SLC43A2: variants seen among roughly 807,000 people sequenced by gnomAD.
SLC43A2 encodes solute carrier family 43 member 2, also known as large neutral amino acids transporter small subunit 4.
SLC43A2 carries 38 observed loss-of-function variants against 63.2 expected under a neutral mutation model. The observed-to-expected ratio is 0.60, with a 90% CI of 0.46 to 0.79. The LOEUF is 0.79. Among genes scored for constraint, SLC43A2 ranks in the 30% least tolerant of loss-of-function variants. The probability of loss-of-function intolerance (pLI) is 0.00; values close to 1 mark genes in which losing one functional copy is unlikely to be tolerated. For synonymous variants in SLC43A2, 322 were observed against 331.0 expected (o/e 0.97, Z 0.30); for missense variants, 644 against 756.2 (o/e 0.85, Z 1.74).
chr17:1,575,365 CG>C lies in SLC43A2; in HGVS notation c.*238del. 3 of 564,082 alleles carry C rather than the reference CG, an allele frequency of 5.3e-6. No individual in the cohort carries two copies. Among genetic ancestry groups the C allele is most frequent in the Non-Finnish European group, 9.3e-6 (3 of 322,614 alleles). 34.9% of individuals were successfully genotyped at this position (564,082 alleles called of 1,614,324 possible). A position where few individuals can be genotyped will look rare whatever the true frequency, so the allele number is the denominator to read the frequency against. ...ACAGAGACCCCAGGCCCCGGGTCCC[CG>C]GGGGGCGGCAGAGCAAAGTCAGGGC... On this transcript the variant is annotated 3_prime_UTR_variant, in exon 14 of 14. Coordinates refer to ENST00000301335, the MANE Select transcript of SLC43A2 (RefSeq NM_152346.3).
At chr17:1,602,037 C>T (rs1332159105) in intron 5 of SLC43A2, among the ~76,000 whole-genome samples, 4 of 152,050 alleles carry the variant, frequency 2.6e-5, no homozygotes, top group Non-Finnish European at 5.9e-5. Flanking sequence ...AGGTCCAAAC[C>T]AATGCAAAGG....
intron 9 of SLC43A2, chr17:1,586,905 G>A (rs1403869846): frequency 2.0e-5 from 31 of 1,529,350 alleles, no homozygotes; most frequent in Non-Finnish European, 2.7e-5. Flanking sequence ...GCTGGGAGGG[G>A]ACATCACAGC....
At chr17:1,579,331 G>C (rs1320195619) in intron 11 of SLC43A2, among the ~76,000 whole-genome samples, 1 of 151,020 alleles carries the variant, frequency 6.6e-6, no homozygotes, top group Admixed American at 6.6e-5. Flanking sequence ...TGTGGTGGCG[G>C]GCGCCTGTAT....
chr17:1,582,723 A>C (rs1437371215), intron 11 of SLC43A2, among the ~76,000 whole-genome samples: 1 of 152,198 alleles, frequency 6.6e-6, no homozygotes, highest in Non-Finnish European at 1.5e-5. Context: ...CTGGCAGGGA[A>C]CAGGCCCTCC....
At chr17:1,614,001 T>A (rs577703485) in intron 4 of SLC43A2, among the ~76,000 whole-genome samples, 1 of 152,062 alleles carries the variant, frequency 6.6e-6, no homozygotes, top group East Asian at 1.9e-4. Flanking sequence ...CCCAGCACTT[T>A]GGGAGGCTGA....
At chr17:1,581,012 C>T (rs577779520) in intron 11 of SLC43A2, among the ~76,000 whole-genome samples, 8 of 152,232 alleles carry the variant, frequency 5.3e-5, no homozygotes, top group South Asian at 2.1e-4. Flanking sequence ...CTGCTGCTGG[C>T]GGACTCCGCC....
Position 1,583,284 on chromosome 17 carries a change from C to T in SLC43A2, c.1270G>A (p.Ala424Thr). The change falls in exon 11 of 14, where the codon GCC becomes ACC. Residue 424 changes from alanine to threonine, a missense_variant. Physicochemically the swap from Ala to Thr is moderately conservative, Grantham distance 58. This residue lies in a region of SLC43A2 where 528 missense variants were observed against 623.6 expected (regional missense o/e 0.85). Transcript: ENST00000301335. This position sits in a 1 kb window ranked among gnomAD's most constrained non-coding sequence, Gnocchi z 5.5. ...RDRQIQKITN[A>T]MRAFAFTNLL... ...TTGGTGAAGGCGAAGGCCCGCATGG[C>T]ATTAGTGATCTTCTGGATCTGCCGG... 2.5e-6 allele frequency: 4 copies of T among 1,614,194 alleles called. No individual in the cohort carries two copies. Among genetic ancestry groups the T allele is most frequent in the South Asian group, 2.2e-5 (2 of 91,086 alleles).
At position 1,578,454 on chromosome 17, in the gene SLC43A2, G is replaced by A. The variant is rs550913063; in HGVS notation, c.1351-131C>T. 1.8e-5 allele frequency: 13 copies of A among 741,892 alleles called. No individual in the cohort carries two copies. The Middle Eastern group carries it at 1.8e-3, about 105-fold the overall frequency. The allele number at this position is 741,892 out of a possible 1,614,324, so 46.0% of individuals were successfully genotyped here. A position where few individuals can be genotyped will look rare whatever the true frequency, so the allele number is the denominator to read the frequency against. On this transcript the variant is annotated intron_variant, in intron 11 of 13. Transcript: ENST00000301335. The surrounding 1 kb of genome is among the most constrained non-coding windows in gnomAD (Gnocchi z 6.5). ...TGGAGTTGGATCAACCCCATCCTCC[G>A]GAGCCAATTGTGAATTTTCAGAAAT...
chr17:1,611,031 G>A (rs9906910), intron 5 of SLC43A2, among the ~76,000 whole-genome samples: 5 of 151,746 alleles, frequency 3.3e-5, no homozygotes, highest in African/African-American at 1.2e-4. Context: ...TAGTAGAGAC[G>A]GGGTTTCACT....
intron 9 of SLC43A2, 120 bp from the exon 10 acceptor site, chr17:1,586,171 CCT>C (rs966176920): frequency 7.3e-5 from 104 of 1,419,024 alleles, no homozygotes; most frequent in Non-Finnish European, 9.3e-5. Context: ...CCCAGAACCC[CCT>C]GTCACTATGG....
chr17:1,610,844 CTT>C (rs1381319545), intron 5 of SLC43A2, among the ~76,000 whole-genome samples: 14 of 142,812 alleles, frequency 9.8e-5, no homozygotes, highest in Non-Finnish European at 1.1e-4. Flanking sequence ...TCTTTTTTTC[CTT>C]TTTTTTTTTT....
At position 1,593,350 on chromosome 17, in the gene SLC43A2, G is replaced by T; in HGVS notation, c.502-71C>A. On this transcript the variant is annotated intron_variant, in intron 5 of 13. Coordinates refer to ENST00000301335, the MANE Select transcript of SLC43A2 (RefSeq NM_152346.3). The surrounding 1 kb of genome is among the most constrained non-coding windows in gnomAD (Gnocchi z 5.3). Reference sequence around the variant, plus strand: ...GGGAAGGGGAGGAGGAGGGGACAGAGAACTAGGCCCCATGAGGCCCCTTCT... The same window carrying T: ...GGGAAGGGGAGGAGGAGGGGACAGATAACTAGGCCCCATGAGGCCCCTTCT... 7.1e-7 allele frequency: 1 copy of T among 1,404,280 alleles called. No individual in the cohort carries two copies. The highest frequency in any genetic ancestry group is 1.0e-6 in the Non-Finnish European group (1 of 1,003,390). The allele number at this position is 1,404,280 out of a possible 1,614,324, so 87.0% of individuals were successfully genotyped here. A position where few individuals can be genotyped will look rare whatever the true frequency, so the allele number is the denominator to read the frequency against.
intron 5 of SLC43A2, chr17:1,603,134 A>C (rs923549784): frequency 6.6e-6 from 1 of 152,154 alleles, no homozygotes; most frequent in African/African-American, 2.4e-5. Flanking sequence ...ACTTCATAAC[A>C]GGGAAAATCT....
intron 1 of SLC43A2, 48 bp from the exon 2 acceptor site, chr17:1,627,968 C>A (rs1299930897): frequency 1.5e-6 from 2 of 1,312,024 alleles, no homozygotes; most frequent in Middle Eastern, 2.9e-4. Flanking sequence ...CCAGCCCCTG[C>A]GGCCGCCCCC....
intron 5 of SLC43A2, among the ~76,000 whole-genome samples, chr17:1,601,454 C>T (rs1319404310): frequency 1.3e-5 from 2 of 152,124 alleles, no homozygotes; most frequent in Non-Finnish European, 2.9e-5. Flanking sequence ...CTGCTTCACA[C>T]AGCCGACAAC....
At chr17:1,615,502 G>A (rs1907513263) in intron 3 of SLC43A2, among the ~76,000 whole-genome samples, 1 of 150,204 alleles carries the variant, frequency 6.7e-6, no homozygotes, top group African/African-American at 2.5e-5. Context: ...CCAGTTGCTT[G>A]GGCAACAACA....
intron 2 of SLC43A2, among the ~76,000 whole-genome samples, chr17:1,621,881 T>C (rs1908193970): frequency 6.6e-6 from 1 of 151,960 alleles, no homozygotes; most frequent in South Asian, 2.1e-4. Flanking sequence ...AGAGAGAAAA[T>C]GCTGAGAGAA....
At chr17:1,588,817 C>G (rs1904468893) in intron 9 of SLC43A2, among the ~76,000 whole-genome samples, 1 of 152,166 alleles carries the variant, frequency 6.6e-6, no homozygotes, top group Non-Finnish European at 1.5e-5. Context: ...TGGGAGGCAG[C>G]AGAGTCACCG....
chr17:1,611,621 C>CA, intron 5 of SLC43A2, among the ~76,000 whole-genome samples: 1 of 137,408 alleles, frequency 7.3e-6, no homozygotes, highest in Non-Finnish European at 1.5e-5. Context: ...GGCAACCGAG[C>CA]AGACTCAAAA....
Sources: allele counts gnomAD v4.1 joint callset (sites outside exome capture counted in the v4.1 genomes callset), GRCh38; gene constraint gnomAD v4.1.1; regional missense constraint gnomAD v4.1.1; non-coding constraint Gnocchi (gnomAD v3.1); transcripts MANE v1.5; gene names NCBI Gene and HGNC (gene_info 2026-07-23, HGNC 2026-07-21).